The following RSPH3 variants were observed in gnomAD, a reference collection of about 807,000 sequenced individuals.
The protein encoded by RSPH3 is radial spoke head protein 3 homolog.
RSPH3 carries 21 observed loss-of-function variants against 43.8 expected under a neutral mutation model. The observed-to-expected ratio is 0.48, with a 90% CI of 0.34 to 0.69. The LOEUF (loss-of-function observed/expected upper bound fraction) is 0.69, where lower values mean the gene tolerates loss of function less well. Among genes scored for constraint, RSPH3 ranks in the 30% least tolerant of loss-of-function variants. The probability of loss-of-function intolerance (pLI) is 0.01; values close to 1 mark genes in which losing one functional copy is unlikely to be tolerated. For synonymous variants in RSPH3, 173 were observed against 179.8 expected, an observed-to-expected ratio of 0.96 and a Z score of 0.30; for missense variants, 487 against 516.0, an observed-to-expected ratio of 0.94 and a Z score of 0.54.
intron 2 of RSPH3, among the ~76,000 whole-genome samples, chr6:158,993,416 A>G (rs1022188792): frequency 6.7e-6 from 1 of 148,376 alleles, no homozygotes; most frequent in African/African-American, 2.5e-5. Context: ...GCGCCCGGCC[A>G]ACTGGGGCTT....
At position 158,999,524 on chromosome 6, in the gene RSPH3, G is replaced by T; in HGVS notation, c.27C>A (p.Thr9=). 6.4e-7 allele frequency: 1 copy of T among 1,558,722 alleles called. No homozygotes were observed. MASALTDR[T]SRAPSTYTYT... ...AGGTGTAGGTGCTCGGGGCCCGAGA[G>T]GTGCGATCAGTCAGCGCTGAGGCCA... Residue 9 remains threonine, a synonymous_variant, in exon 1 of 8, where the codon ACC becomes ACA. Transcript: ENST00000367069.
chr6:158,972,566 G>C (rs892360127), downstream of RSPH3, among the ~76,000 whole-genome samples: 4 of 152,068 alleles, frequency 2.6e-5, no homozygotes, highest in South Asian at 4.1e-4. Context: ...CTTACCTTAG[G>C]GTTTCACTGA....
rs1309807251 is a variant in RSPH3, at chr6:158,986,271, G to A, written c.346+9C>T. On this transcript the variant is annotated intron_variant, in intron 3 of 7. Transcript: ENST00000367069. The stretch of plus-strand genomic sequence containing the variant: ...AAGAGGACACAATGCCAAGGGCACA[G>A]TCACACACCTGTTTGCACATCGACA... 1 of 1,612,822 alleles carries A rather than the reference G, an allele frequency of 6.2e-7. No individual in the cohort carries two copies. Among genetic ancestry groups the A allele is most frequent in the Non-Finnish European group, 8.5e-7 (1 of 1,179,486 alleles).
intron 4 of RSPH3, 111 bp downstream of exon 4, chr6:158,983,551 A>G (rs1434123448): frequency 1.2e-6 from 1 of 824,704 alleles, no homozygotes; most frequent in South Asian, 1.4e-5. Context: ...AAGAAATCCA[A>G]GAAGTAGAAT....
chr6:158,976,447 A>T lies in RSPH3; in HGVS notation c.*1091T>A, dbSNP rs1777841798. Reference sequence around the variant, plus strand: ...GATGCCACTAACCTTGAAAGATCTAAGACATTCTCTTAAGTGAAAAATAAA... The same window carrying T: ...GATGCCACTAACCTTGAAAGATCTATGACATTCTCTTAAGTGAAAAATAAA... On this transcript the variant is annotated 3_prime_UTR_variant, in exon 8 of 8. Transcript: ENST00000367069. 6.6e-6 allele frequency: 1 copy of T among 152,212 alleles called. No individual in the cohort carries two copies. The highest frequency in any genetic ancestry group is 2.4e-5 in the African/African-American group (1 of 41,462). 9.4% of individuals were successfully genotyped at this position (152,212 alleles called of 1,614,324 possible).
At position 158,977,416 on chromosome 6, in the gene RSPH3, C is replaced by T. The variant is rs1401737924; in HGVS notation, c.*122G>A. 5 of 825,558 alleles carry T rather than the reference C, an allele frequency of 6.1e-6. No homozygotes were observed. Among genetic ancestry groups the T allele is most frequent in the Non-Finnish European group, 9.6e-6 (5 of 522,126 alleles). The allele number at this position is 825,558 out of a possible 1,614,324, so 51.1% of individuals were successfully genotyped here. A position where few individuals can be genotyped will look rare whatever the true frequency, so the allele number is the denominator to read the frequency against. ...CACATTTGATTGGCCCAGTCCATTA[C>T]ACAAAAAGACATACTGACTAAATAC... On this transcript the variant is annotated 3_prime_UTR_variant, in exon 8 of 8. Transcript: ENST00000367069.
chr6:158,964,149 TA>T, the RSPH3 span, among the ~76,000 whole-genome samples: 1 of 152,164 alleles, frequency 6.6e-6, no homozygotes, highest in Non-Finnish European at 1.5e-5. Context: ...AATGGACAAT[TA>T]GGGGAAAAAA....
In RSPH3 at chr6:158,989,790, AAATCCTTGCGATGGTT is replaced by A. The variant is rs965300533; in HGVS notation, c.205-3385_205-3370del. 3.9e-5 allele frequency among the ~76,000 whole-genome samples: 6 copies of A among 152,180 alleles called. No homozygotes were observed. Among genetic ancestry groups the A allele is most frequent in the African/African-American group, 1.4e-4 (6 of 41,444 alleles). On this transcript the variant is annotated intron_variant, in intron 2 of 7. Transcript: ENST00000367069. This position sits in a 1 kb window ranked among gnomAD's most constrained non-coding sequence, Gnocchi z 4.3. The stretch of plus-strand genomic sequence containing the variant: ...AGTGCAGAAATCACAAGTCAGAGAT[AAATCCTTGCGATGGTT>A]AATACTGAGTGTCAACTTGATTGGA...
chr6:158,964,201 C>T, the RSPH3 span, among the ~76,000 whole-genome samples: 5 of 152,066 alleles, frequency 3.3e-5, no homozygotes, highest in African/African-American at 1.2e-4. Flanking sequence ...TTTCTCACAC[C>T]ACCCTCTCCT....
In RSPH3 at chr6:158,999,542, T is replaced by C. The variant is rs10945587; in HGVS notation, c.9A>G (p.Ser3=). The part of the protein sequence containing the change: MA[S]ALTDRTSRAP... ...CCCGAGAGGTGCGATCAGTCAGCGC[T>C]GAGGCCATGTCCGGGGGCTGACTGC... The change falls in exon 1 of 8, where the codon TCA becomes TCG. Residue 3 remains serine, a synonymous_variant. Transcript: ENST00000367069. The C allele has an allele frequency of 0.17, 267,877 of 1,598,204 alleles. 31,328 individuals carry two copies. Among genetic ancestry groups the C allele is most frequent in the Admixed American group, 0.46 (27,151 of 59,006 alleles).
chr6:158,964,566 A>C, the RSPH3 span, among the ~76,000 whole-genome samples: 65 of 152,256 alleles, frequency 4.3e-4, 1 homozygote, highest in Admixed American at 4.2e-3. Flanking sequence ...CAATTCCTTA[A>C]TGACTAATGT....
Position 158,999,678 on chromosome 6 carries a change from G to T in RSPH3, c.-128C>A. On this transcript the variant is annotated 5_prime_UTR_variant, in exon 1 of 8. It introduces an in-frame stop codon into an upstream open reading frame of the 5' UTR. Transcript: ENST00000367069. ...AGGATTCCGCGACGCGAGGAGAGGC[G>T]ACAACAAGGGAGGCGGGCGGGACGG... The T allele has an allele frequency of 6.2e-7, 1 of 1,614,106 alleles. No individual in the cohort carries two copies. Among genetic ancestry groups the T allele is most frequent in the Non-Finnish European group, 8.5e-7 (1 of 1,179,990 alleles).
intron 4 of RSPH3, among the ~76,000 whole-genome samples, chr6:158,983,109 C>T (rs1360153261): frequency 2.6e-5 from 4 of 152,116 alleles, no homozygotes; most frequent in Admixed American, 2.6e-4. Context: ...TATTTTATTT[C>T]CCAATTTCAA....
At chr6:158,983,324 T>A (rs1397323791) in intron 4 of RSPH3, among the ~76,000 whole-genome samples, 1 of 152,184 alleles carries the variant, frequency 6.6e-6, no homozygotes, top group Non-Finnish European at 1.5e-5. Flanking sequence ...AACTGTGGAA[T>A]TTTTTATACC....
chr6:158,973,053 G>T lies in RSPH3; in HGVS notation c.*4485C>A, dbSNP rs948607903. ...CTGACTGTGAACAAGATTGTGGAAG[G>T]TTGGTTGAGGTTAGGCCTAGGCATT... On this transcript the variant is annotated 3_prime_UTR_variant, in exon 8 of 8. Coordinates refer to ENST00000367069, the MANE Select transcript of RSPH3 (RefSeq NM_031924.8). 1 of 152,218 alleles carries T rather than the reference G, an allele frequency of 6.6e-6. No individual in the cohort carries two copies. Among genetic ancestry groups the T allele is most frequent in the African/African-American group, 2.4e-5 (1 of 41,448 alleles). 9.4% of individuals were successfully genotyped at this position (152,218 alleles called of 1,614,324 possible). A position where few individuals can be genotyped will look rare whatever the true frequency, so the allele number is the denominator to read the frequency against.
At chr6:158,970,695 G>A (rs556223352), downstream of RSPH3, among the ~76,000 whole-genome samples, 9 of 152,080 alleles carry the variant, frequency 5.9e-5, no homozygotes, top group South Asian at 8.3e-4. Context: ...ACAGGCACCC[G>A]CCACTATGCC....
intron 1 of RSPH3, 105 bp downstream of exon 1, chr6:158,999,330 G>A (rs1322076253): frequency 1.9e-6 from 2 of 1,061,302 alleles, no homozygotes; most frequent in Non-Finnish European, 2.6e-6. Flanking sequence ...GTGCAGCCAA[G>A]GGAAGACAGC....
rs1777802340 is a variant in RSPH3 at position 158,975,364 on chromosome 6, T to A, written c.*2174A>T. The A allele has an allele frequency of 6.6e-6, 1 of 152,214 alleles. No individual in the cohort carries two copies. The highest frequency in any genetic ancestry group is 6.5e-5 in the Admixed American group (1 of 15,278). 9.4% of individuals were successfully genotyped at this position (152,214 alleles called of 1,614,324 possible). ...ATGCTATTAGTGCAATAATTTATTTTAAATTATTCTTTGTACCTCACAAAA... is the reference window on the plus strand; with the variant it reads ...ATGCTATTAGTGCAATAATTTATTTAAAATTATTCTTTGTACCTCACAAAA... On this transcript the variant is annotated 3_prime_UTR_variant, in exon 8 of 8. Transcript: ENST00000367069.
chr6:158,998,377 G>A lies in RSPH3; in HGVS notation c.116+1058C>T, dbSNP rs1289732733. On this transcript the variant is annotated intron_variant, in intron 1 of 7. Transcript: ENST00000367069. ...CCAGCTACTTGGGAGGCTGAGGCAG[G>A]AGAATGGCGTGAACCCGGGAGGTGG... Among the ~76,000 whole-genome samples, 2 of 148,476 alleles carry A rather than the reference G, an allele frequency of 1.3e-5. 1 individual carries two copies. The highest frequency in any genetic ancestry group is 3.0e-5 in the Non-Finnish European group (2 of 66,968).
Sources: allele counts gnomAD v4.1 joint callset (sites outside exome capture counted in the v4.1 genomes callset), GRCh38; gene constraint gnomAD v4.1.1; non-coding constraint Gnocchi (gnomAD v3.1); transcripts MANE v1.5; gene names NCBI Gene and HGNC (gene_info 2026-07-23, HGNC 2026-07-21).